CNBD1: variants seen among roughly 807,000 people sequenced by gnomAD.
CNBD1 encodes cyclic nucleotide-binding domain-containing protein 1.
CNBD1 carries 71 observed loss-of-function variants against 54.4 expected under a neutral mutation model. The ratio of observed to expected loss-of-function variants is 1.30; its 90% CI spans 1.08 to 1.59. The LOEUF is 1.59. Ranked by LOEUF, CNBD1 falls within the 40% of genes most tolerant of loss-of-function variation. The pLI is 0.00. For synonymous variants in CNBD1, 182 were observed against 170.7 expected (o/e 1.07, Z -0.51); for missense variants, 659 against 518.0 (o/e 1.27, Z -2.64).
At chr8:87,155,778 G>A (rs964192389) in intron 4 of CNBD1, among the ~76,000 whole-genome samples, 3 of 152,114 alleles carry the variant, frequency 2.0e-5, no homozygotes, top group South Asian at 2.1e-4. Context: ...TGATTAATTC[G>A]TGGTACTCAA....
chr8:87,173,119 T>C (rs1370604432), intron 4 of CNBD1, among the ~76,000 whole-genome samples: 1 of 152,168 alleles, frequency 6.6e-6, no homozygotes, highest in African/African-American at 2.4e-5. Context: ...CAACTTAACA[T>C]TGCTTGGATA....
At chr8:86,918,502 C>T (rs930120571) in intron 3 of CNBD1, among the ~76,000 whole-genome samples, 1 of 152,012 alleles carries the variant, frequency 6.6e-6, no homozygotes, top group Non-Finnish European at 1.5e-5. Context: ...TGGGGAGGAC[C>T]TGGTGGGAGA....
chr8:87,394,302 A>C (rs1423982699), intron 2 of CNBD1, among the ~76,000 whole-genome samples: 1 of 151,930 alleles, frequency 6.6e-6, no homozygotes, highest in East Asian at 1.9e-4. Flanking sequence ...ATGCATGCAC[A>C]GGTGAGGGGA....
chr8:87,398,774 C>T (rs1811451094), intron 2 of CNBD1, among the ~76,000 whole-genome samples: 1 of 151,980 alleles, frequency 6.6e-6, no homozygotes, highest in African/African-American at 2.4e-5. Context: ...CATATTTTGC[C>T]TTAAGGCTTC....
At chr8:87,104,044 G>A (rs1437875336) in intron 4 of CNBD1, among the ~76,000 whole-genome samples, 1 of 152,154 alleles carries the variant, frequency 6.6e-6, no homozygotes, top group African/African-American at 2.4e-5. Flanking sequence ...GACCATGATG[G>A]TCATGGTCAG....
intron 10 of CNBD1, among the ~76,000 whole-genome samples, chr8:87,370,965 C>T (rs1028232591): frequency 2.7e-5 from 4 of 150,800 alleles, no homozygotes; most frequent in African/African-American, 9.9e-5. Flanking sequence ...GTTTTCCCAG[C>T]ACCATTTATT....
intron 4 of CNBD1, among the ~76,000 whole-genome samples, chr8:87,049,872 C>T (rs1460701357): frequency 6.6e-6 from 1 of 152,272 alleles, no homozygotes; most frequent in South Asian, 2.1e-4. Context: ...CCTCTGGCAC[C>T]AGAAGAGCCA....
intron 4 of CNBD1, among the ~76,000 whole-genome samples, chr8:86,962,679 G>A (rs956878518): frequency 4.6e-5 from 7 of 151,952 alleles, no homozygotes; most frequent in African/African-American, 1.7e-4. Context: ...CCAGCTATTC[G>A]AGAGGCTGAG....
chr8:87,035,146 G>A (rs528324767), intron 4 of CNBD1, among the ~76,000 whole-genome samples: 93 of 152,136 alleles, frequency 6.1e-4, no homozygotes, highest in South Asian at 2.1e-3. Flanking sequence ...CAAAGTTTAT[G>A]CCATCTTTAT....
chr8:86,885,231 A>G (rs1399213518), intron 1 of CNBD1, among the ~76,000 whole-genome samples: 1 of 152,226 alleles, frequency 6.6e-6, no homozygotes, highest in Non-Finnish European at 1.5e-5. Flanking sequence ...ACCTTAAATA[A>G]TCATTAACAC....
intron 8 of CNBD1, among the ~76,000 whole-genome samples, chr8:87,334,379 C>G (rs180700653): frequency 1.3e-5 from 2 of 152,214 alleles, no homozygotes; most frequent in African/African-American, 2.4e-5. Flanking sequence ...CTATCTCCTT[C>G]AGTTCCACTC....
At chr8:87,254,509 C>T (rs1249935432) in intron 6 of CNBD1, among the ~76,000 whole-genome samples, 1 of 152,186 alleles carries the variant, frequency 6.6e-6, no homozygotes, top group African/African-American at 2.4e-5. Context: ...AACTGCTCTT[C>T]CCTCTCTGGG....
chr8:87,266,204 G>A (rs567430109), intron 6 of CNBD1, among the ~76,000 whole-genome samples: 5 of 151,596 alleles, frequency 3.3e-5, no homozygotes, highest in African/African-American at 7.3e-5. Context: ...ATCCAAACAG[G>A]TTCCTTGTGG....
At chr8:87,087,506 CAGGCTGG>C (rs1362697209) in intron 4 of CNBD1, among the ~76,000 whole-genome samples, 1 of 148,532 alleles carries the variant, frequency 6.7e-6, no homozygotes, top group East Asian at 1.9e-4. Context: ...CTCTGTCGCC[CAGGCTGG>C]AGTGCAGTGG....
At chr8:87,087,657 G>A (rs1242773801) in intron 4 of CNBD1, among the ~76,000 whole-genome samples, 1 of 151,644 alleles carries the variant, frequency 6.6e-6, no homozygotes, top group South Asian at 2.1e-4. Flanking sequence ...TAGTAGAGAC[G>A]GGGTTTCACC....
chr8:87,203,123 C>T (rs1258914617), intron 4 of CNBD1, among the ~76,000 whole-genome samples: 2 of 151,970 alleles, frequency 1.3e-5, no homozygotes, highest in Non-Finnish European at 2.9e-5. Flanking sequence ...TTTTTCTATT[C>T]GTTGAATGGG....
intron 3 of CNBD1, among the ~76,000 whole-genome samples, chr8:86,924,687 G>T (rs1376792186): frequency 6.6e-6 from 1 of 152,082 alleles, no homozygotes; most frequent in Non-Finnish European, 1.5e-5. Flanking sequence ...AATGGAACAT[G>T]ATATTTGATG....
intron 6 of CNBD1, among the ~76,000 whole-genome samples, chr8:87,240,410 C>A (rs1437970289): frequency 2.0e-5 from 3 of 151,904 alleles, no homozygotes; most frequent in Non-Finnish European, 4.4e-5. Context: ...TTTTTTTACA[C>A]CAAAGTTTTC....
intron 8 of CNBD1, among the ~76,000 whole-genome samples, chr8:87,346,247 G>C (rs1810174460): frequency 1.3e-5 from 2 of 151,900 alleles, no homozygotes; most frequent in South Asian, 2.1e-4. Context: ...CTCCATGTTG[G>C]GTAGGCTTGT....
Sources: allele counts gnomAD v4.1 joint callset (sites outside exome capture counted in the v4.1 genomes callset), GRCh38; gene constraint gnomAD v4.1.1; transcripts MANE v1.5; gene names NCBI Gene and HGNC (gene_info 2026-07-23, HGNC 2026-07-21).